Variants in DENND1A observed in about 807,000 individuals in gnomAD.
DENND1A encodes the protein DENN domain containing 1A.
A neutral mutation model predicts 113.7 loss-of-function variants in DENND1A; 51 were observed. The ratio of observed to expected loss-of-function variants is 0.45; its 90% CI spans 0.36 to 0.57. DENND1A has a LOEUF of 0.57. Ranked by LOEUF, DENND1A falls within the 20% of genes least tolerant of loss-of-function variation. The pLI is 0.00. For synonymous variants in DENND1A, 565 were observed against 570.8 expected, an observed-to-expected ratio of 0.99 and a Z score of 0.14; for missense variants, 1,258 against 1,395.9, an observed-to-expected ratio of 0.90 and a Z score of 1.57.
intron 8 of DENND1A, among the ~76,000 whole-genome samples, chr9:123,660,176 G>A (rs183568101): frequency 2.4e-4 from 37 of 152,228 alleles, no homozygotes; most frequent in Middle Eastern, 3.4e-3. Flanking sequence ...TGTCTAAAAC[G>A]GGGCTCAGGT....
In DENND1A at chr9:123,380,061, TCAGA is replaced by T. The variant is rs1214479421; in HGVS notation, c.*1367_*1370del. The stretch of plus-strand genomic sequence containing the variant: ...GAGCATGTGCAGCAGTGGCAGCCTC[TCAGA>T]CATAGAGGGGGCTCCCTGGGTGACA... On this transcript the variant is annotated 3_prime_UTR_variant, in exon 24 of 24. Transcript: ENST00000394215. 2 of 152,336 alleles carry T rather than the reference TCAGA, an allele frequency of 1.3e-5. No homozygotes were observed. Among genetic ancestry groups the T allele is most frequent in the African/African-American group, 4.8e-5 (2 of 41,564 alleles). The allele number at this position is 152,336 out of a possible 1,614,324, so 9.4% of individuals were successfully genotyped here.
chr9:123,500,684 A>AG (rs987999692), intron 13 of DENND1A, among the ~76,000 whole-genome samples: 1 of 152,224 alleles, frequency 6.6e-6, no homozygotes, highest in African/African-American at 2.4e-5. Context: ...GGGCAAAGAC[A>AG]GTGTTCTGTT....
intron 2 of DENND1A, among the ~76,000 whole-genome samples, chr9:123,846,243 G>C (rs1208174601): frequency 1.3e-5 from 2 of 152,172 alleles, no homozygotes; most frequent in African/African-American, 4.8e-5. Context: ...ATTGCTGGTG[G>C]CTATATAAAA....
intron 18 of DENND1A, among the ~76,000 whole-genome samples, chr9:123,446,700 C>T (rs935380856): frequency 5.9e-5 from 9 of 152,124 alleles, no homozygotes; most frequent in Admixed American, 1.3e-4. Context: ...GCCTGTCGTC[C>T]TAGCTACTCT....
At chr9:123,824,258 A>G (rs981735905) in intron 2 of DENND1A, among the ~76,000 whole-genome samples, 4 of 152,142 alleles carry the variant, frequency 2.6e-5, no homozygotes, top group Non-Finnish European at 4.4e-5. Flanking sequence ...AAACACCCCA[A>G]AACTTAAGCT....
chr9:123,789,435 T>G (rs1832681045), intron 3 of DENND1A, among the ~76,000 whole-genome samples: 1 of 152,082 alleles, frequency 6.6e-6, no homozygotes, highest in Non-Finnish European at 1.5e-5. Flanking sequence ...ATAAAACGTG[T>G]TGGGTCTGCA....
At chr9:123,710,117 A>C (rs575672310) in intron 5 of DENND1A, among the ~76,000 whole-genome samples, 2 of 152,348 alleles carry the variant, frequency 1.3e-5, no homozygotes, top group East Asian at 1.9e-4. Flanking sequence ...CCAAATTTCC[A>C]ACATACCTAA....
chr9:123,773,535 C>T (rs891376401), intron 3 of DENND1A, among the ~76,000 whole-genome samples: 1 of 152,092 alleles, frequency 6.6e-6, no homozygotes, highest in African/African-American at 2.4e-5. Context: ...ATCTCGAAGA[C>T]CAAATTCAAT....
At chr9:123,738,928 C>T (rs899626641) in intron 5 of DENND1A, among the ~76,000 whole-genome samples, 7 of 152,120 alleles carry the variant, frequency 4.6e-5, no homozygotes, top group East Asian at 3.9e-4. Context: ...ATTACTCAAA[C>T]GATGGAACCT....
chr9:123,804,475 G>A (rs1455571997), intron 2 of DENND1A, among the ~76,000 whole-genome samples: 1 of 152,044 alleles, frequency 6.6e-6, no homozygotes, highest in Non-Finnish European at 1.5e-5. Flanking sequence ...TCTCCCTATT[G>A]AAGAGCTCCA....
chr9:123,808,514 G>C (rs911939784), intron 2 of DENND1A, among the ~76,000 whole-genome samples: 4 of 151,816 alleles, frequency 2.6e-5, no homozygotes. Flanking sequence ...CCAAGTAGCT[G>C]GACCTACAGG....
intron 12 of DENND1A, among the ~76,000 whole-genome samples, chr9:123,570,911 A>G (rs185941955): frequency 1.3e-5 from 2 of 152,314 alleles, no homozygotes; most frequent in African/African-American, 4.8e-5. Flanking sequence ...TGAGATAAAC[A>G]TGAAGTCTGT....
intron 5 of DENND1A, among the ~76,000 whole-genome samples, chr9:123,750,540 C>T (rs997339176): frequency 1.3e-5 from 2 of 152,172 alleles, no homozygotes; most frequent in African/African-American, 2.4e-5. Context: ...GTTCTGAGAC[C>T]CACAGTCGGT....
In DENND1A at chr9:123,536,756, C is replaced by CGA. The variant is rs139570932; in HGVS notation, c.993+20812_993+20813dup. Among the ~76,000 whole-genome samples the CGA allele has an allele frequency of 6.2e-3, 935 of 151,364 alleles. 9 individuals carry two copies. Among genetic ancestry groups the CGA allele is most frequent in the Middle Eastern group, 0.017 (5 of 294 alleles). On this transcript the variant is annotated intron_variant, in intron 13 of 23. Transcript: ENST00000394215. ...GAACCAAGATTGAGCAGGACAGATA[C>CGA]GAGAGAGAGAGAGGACAGGAAATGG...
At chr9:123,809,008 G>A (rs1041299564) in intron 2 of DENND1A, among the ~76,000 whole-genome samples, 6 of 152,144 alleles carry the variant, frequency 3.9e-5, no homozygotes, top group African/African-American at 1.4e-4. Context: ...TAAGATCCTG[G>A]GTATGATTTA....
chr9:123,461,738 G>A (rs758350945), intron 13 of DENND1A, among the ~76,000 whole-genome samples: 2 of 152,254 alleles, frequency 1.3e-5, no homozygotes, highest in Non-Finnish European at 2.9e-5. Flanking sequence ...GCTCACGGGA[G>A]GTGATATCCC....
intron 2 of DENND1A, among the ~76,000 whole-genome samples, chr9:123,877,251 G>A (rs763869049): frequency 2.6e-5 from 4 of 152,196 alleles, no homozygotes; most frequent in Non-Finnish European, 4.4e-5. Flanking sequence ...AACACTTTGG[G>A]AGGCTGAGGC....
At chr9:123,709,838 G>C (rs572831123) in intron 5 of DENND1A, among the ~76,000 whole-genome samples, 1 of 152,160 alleles carries the variant, frequency 6.6e-6, no homozygotes, top group Non-Finnish European at 1.5e-5. Context: ...CAAGACAAAG[G>C]ATCCAAAATT....
intron 2 of DENND1A, among the ~76,000 whole-genome samples, chr9:123,844,417 T>A (rs1456700365): frequency 6.6e-6 from 1 of 152,132 alleles, no homozygotes; most frequent in Non-Finnish European, 1.5e-5. Flanking sequence ...TCTATTTCTA[T>A]ACACTAACAA....
Sources: gnomAD v4.1 joint callset for allele counts (sites outside exome capture counted in the v4.1 genomes callset) on GRCh38, gnomAD v4.1.1 for gene constraint, MANE v1.5 for transcripts, NCBI Gene and HGNC (gene_info 2026-07-23, HGNC 2026-07-21) for gene names.